UNC5C: variants seen among roughly 807,000 people sequenced by gnomAD.
UNC5C encodes netrin receptor UNC5C.
UNC5C carries 47 observed loss-of-function variants against 99.8 expected under a neutral mutation model. The ratio of observed to expected loss-of-function variants is 0.47; its 90% CI spans 0.37 to 0.60. The LOEUF is 0.60. UNC5C is among the 20% of genes least tolerant of loss of function. UNC5C has a pLI of 0.00. For missense variants in UNC5C, 1,062 were observed against 1,165.9 expected, an observed-to-expected ratio of 0.91 and a Z score of 1.30; for synonymous variants, 487 against 452.2, an observed-to-expected ratio of 1.08 and a Z score of -0.98.
At chr4:95,264,470 A>G (rs1043214455) in intron 4 of UNC5C, among the ~76,000 whole-genome samples, 3 of 152,130 alleles carry the variant, frequency 2.0e-5, no homozygotes, top group Admixed American at 6.6e-5. Context: ...CAACAAACTG[A>G]ATAGTCCAAA....
chr4:95,281,865 C>T (rs145518326), intron 3 of UNC5C, among the ~76,000 whole-genome samples: 84 of 152,264 alleles, frequency 5.5e-4, no homozygotes, highest in Non-Finnish European at 7.4e-4. Context: ...TAATTCTTTG[C>T]GGTACAGTTG....
At chr4:95,213,057 CTGCTATTCCTGCGTCACTCAGCTG>C (rs1439967998) in intron 10 of UNC5C, among the ~76,000 whole-genome samples, 1 of 152,226 alleles carries the variant, frequency 6.6e-6, no homozygotes, top group African/African-American at 2.4e-5. Context: ...TTAAAAAGCG[CTGCTATTCCTGCGTCACTCAGCTG>C]CTCAGAAACT....
chr4:95,505,958 T>G (rs900647272), intron 1 of UNC5C, among the ~76,000 whole-genome samples: 2 of 151,756 alleles, frequency 1.3e-5, no homozygotes, highest in Non-Finnish European at 2.9e-5. Context: ...CTCTAAAGGG[T>G]TTTTTTTATT....
Position 95,260,765 on chromosome 4 carries a change from C to T in UNC5C, c.595-10098G>A, listed in dbSNP as rs77559055. Among the ~76,000 whole-genome samples, 54 of 152,220 alleles carry T rather than the reference C, an allele frequency of 3.5e-4. 1 individual carries two copies. In the East Asian group the frequency reaches 9.8e-3, roughly 28 times the overall value. On this transcript the variant is annotated intron_variant, in intron 4 of 15. Transcript: ENST00000453304. Reference sequence around the variant, plus strand: ...GAGCAGAGAGAGTTCAAAAGAAGAACATTTTCCTTGTGCTGAAATTGGGAC... The same window carrying T: ...GAGCAGAGAGAGTTCAAAAGAAGAATATTTTCCTTGTGCTGAAATTGGGAC...
At chr4:95,456,177 C>T (rs1016508978) in intron 1 of UNC5C, among the ~76,000 whole-genome samples, 2 of 151,680 alleles carry the variant, frequency 1.3e-5, no homozygotes, top group Admixed American at 1.3e-4. Flanking sequence ...CAATGAAAGC[C>T]TTAATATGGA....
chr4:95,450,318 C>T (rs1747246377), intron 1 of UNC5C, among the ~76,000 whole-genome samples: 1 of 152,190 alleles, frequency 6.6e-6, no homozygotes, highest in African/African-American at 2.4e-5. Flanking sequence ...CTCCTGGGCT[C>T]AAGTGATCCT....
At chr4:95,370,498 T>C (rs1341794443) in intron 1 of UNC5C, among the ~76,000 whole-genome samples, 2 of 152,190 alleles carry the variant, frequency 1.3e-5, no homozygotes, top group African/African-American at 4.8e-5. Context: ...CTGGCCACAG[T>C]TGGGCCTTAG....
At chr4:95,205,807 C>T (rs1198585180) in intron 11 of UNC5C, among the ~76,000 whole-genome samples, 8 of 152,004 alleles carry the variant, frequency 5.3e-5, no homozygotes, top group Non-Finnish European at 1.2e-4. Context: ...GTTCTGATGA[C>T]AGCAGCTGCA....
intron 1 of UNC5C, among the ~76,000 whole-genome samples, chr4:95,495,988 A>G (rs1721620771): frequency 6.6e-6 from 1 of 151,796 alleles, no homozygotes; most frequent in Admixed American, 6.6e-5. Flanking sequence ...GCACTTTGCA[A>G]TTTTAAGGTG....
intron 12 of UNC5C, among the ~76,000 whole-genome samples, chr4:95,196,793 T>TA (rs1394333502): frequency 4.9e-5 from 1 of 20,426 alleles, no homozygotes; most frequent in African/African-American, 1.8e-4. Flanking sequence ...AATATATATA[T>TA]TATATTTATG....
intron 5 of UNC5C, among the ~76,000 whole-genome samples, 173 bp from the exon 6 acceptor site, chr4:95,245,317 T>C (rs1398920509): frequency 1.3e-5 from 2 of 152,158 alleles, no homozygotes; most frequent in Admixed American, 6.5e-5. Flanking sequence ...ATCCAAAGTT[T>C]TATTGTATAG....
intron 1 of UNC5C, among the ~76,000 whole-genome samples, chr4:95,533,301 A>C (rs1349563610): frequency 6.6e-6 from 1 of 151,990 alleles, no homozygotes; most frequent in Non-Finnish European, 1.5e-5. Context: ...TGGGAGGCCG[A>C]GGAAGAATTG....
At chr4:95,292,144 C>T (rs545661387) in intron 3 of UNC5C, among the ~76,000 whole-genome samples, 4 of 150,022 alleles carry the variant, frequency 2.7e-5, no homozygotes, top group Admixed American at 1.3e-4. Context: ...CAAATCAGGA[C>T]TTCTGTACAT....
intron 2 of UNC5C, among the ~76,000 whole-genome samples, chr4:95,330,959 C>A (rs988217021): frequency 6.6e-6 from 1 of 151,966 alleles, no homozygotes; most frequent in African/African-American, 2.4e-5. Flanking sequence ...CATTACCAAC[C>A]CCCCTCACCC....
rs180933806 is a variant in UNC5C, at chr4:95,253,558, C to T, written c.595-2891G>A. Among the ~76,000 whole-genome samples, 27 of 152,274 alleles carry T rather than the reference C, an allele frequency of 1.8e-4. 1 individual carries two copies. The highest frequency in any genetic ancestry group is 6.5e-4 in the Admixed American group (10 of 15,292). On this transcript the variant is annotated intron_variant, in intron 4 of 15. Transcript: ENST00000453304. ...CGACCCCTGTGGGGGACACTGCTCT[C>T]CTCCCTTAACTCCCACTTGAATCAC... is the stretch of plus-strand genomic sequence containing the variant.
chr4:95,474,448 C>T (rs1281330934), intron 1 of UNC5C, among the ~76,000 whole-genome samples: 1 of 151,876 alleles, frequency 6.6e-6, no homozygotes, highest in Non-Finnish European at 1.5e-5. Flanking sequence ...CTGCCAGCAC[C>T]CCTGTCTAAT....
At chr4:95,450,514 A>G (rs967515024) in intron 1 of UNC5C, among the ~76,000 whole-genome samples, 2 of 152,220 alleles carry the variant, frequency 1.3e-5, no homozygotes, top group Admixed American at 1.3e-4. Flanking sequence ...CCTTGGTGGT[A>G]CTTCTTACAT....
At chr4:95,433,260 T>C (rs542034388) in intron 1 of UNC5C, among the ~76,000 whole-genome samples, 6 of 152,288 alleles carry the variant, frequency 3.9e-5, no homozygotes, top group Admixed American at 2.6e-4. Context: ...TTTAAAGTGA[T>C]GAGATATGCT....
In UNC5C at chr4:95,216,164, A is replaced by G; in HGVS notation, c.1693T>C (p.Tyr565His). 1 of 1,613,870 alleles carries G rather than the reference A, an allele frequency of 6.2e-7. No individual in the cohort carries two copies. Among genetic ancestry groups the G allele is most frequent in the Non-Finnish European group, 8.5e-7 (1 of 1,179,950 alleles). ...CTGTGTACAGTCACATACATTTCGTAGACTCTCCCTTGGGGAATGGCCCCA... is the reference window on the plus strand; with the variant it reads ...CTGTGTACAGTCACATACATTTCGTGGACTCTCCCTTGGGGAATGGCCCCA... Reference protein sequence around the residue: ...PAGAIPQGRVYEMYVTVHRKE... With the variant: ...PAGAIPQGRVHEMYVTVHRKE... The change falls in exon 10 of 16, where the codon TAC (tyrosine) becomes CAC (histidine). Residue 565 changes from tyrosine to histidine, a missense_variant. By Grantham distance (83) the Tyr-to-His change is moderately conservative (BLOSUM62 2). Around this residue, in one of 3 missense-constraint regions of UNC5C, gnomAD observed 810 missense variants for 854.5 expected, o/e 0.95. Coordinates refer to ENST00000453304, the MANE Select transcript of UNC5C (RefSeq NM_003728.4).
Sources: gnomAD v4.1 joint callset for allele counts (sites outside exome capture counted in the v4.1 genomes callset) on GRCh38, gnomAD v4.1.1 for gene constraint, gnomAD v4.1.1 regional missense constraint, MANE v1.5 for transcripts, NCBI Gene and HGNC (gene_info 2026-07-23, HGNC 2026-07-21) for gene names.